Variants in MACROD2 observed in about 807,000 individuals in gnomAD.
MACROD2 encodes the protein ADP-ribose glycohydrolase MACROD2.
MACROD2 carries 36 observed loss-of-function variants against 70.4 expected under a neutral mutation model. The ratio of observed to expected loss-of-function variants is 0.51; its 90% confidence interval spans 0.39 to 0.68. MACROD2 has a LOEUF of 0.68. Ranked by LOEUF, MACROD2 falls within the 30% of genes least tolerant of loss-of-function variation. MACROD2 has a pLI of 0.00. For synonymous variants in MACROD2, 172 were observed against 178.8 expected (o/e 0.96, Z 0.30); for missense variants, 496 against 538.4 (o/e 0.92, Z 0.78).
At chr20:15,533,926 A>G (rs1214636140) in intron 8 of MACROD2, among the ~76,000 whole-genome samples, 2 of 152,070 alleles carry the variant, frequency 1.3e-5, no homozygotes, top group African/African-American at 4.8e-5. Context: ...AGTGGGGAGG[A>G]GCTGATGGAA....
At chr20:15,379,527 A>G (rs2146275212) in intron 6 of MACROD2, among the ~76,000 whole-genome samples, 1 of 152,058 alleles carries the variant, frequency 6.6e-6, no homozygotes, top group East Asian at 1.9e-4. Context: ...ATTTCAGCAA[A>G]TGATGTGATA....
intron 5 of MACROD2, among the ~76,000 whole-genome samples, chr20:14,886,333 G>A (rs1600768185): frequency 6.6e-6 from 1 of 152,178 alleles, no homozygotes; most frequent in Non-Finnish European, 1.5e-5. Context: ...TGAACTAAGA[G>A]GAAAGCAGAA....
chr20:15,905,106 G>T (rs1179901002), intron 10 of MACROD2, among the ~76,000 whole-genome samples: 1 of 152,080 alleles, frequency 6.6e-6, no homozygotes, highest in African/African-American at 2.4e-5. Context: ...TCATATTCAT[G>T]AAAATTGATT....
At chr20:15,193,913 A>T (rs1446473102) in intron 5 of MACROD2, among the ~76,000 whole-genome samples, 1 of 151,884 alleles carries the variant, frequency 6.6e-6, no homozygotes, top group Admixed American at 6.6e-5. Context: ...TCCATGCTTC[A>T]ATTGGGGGAG....
In MACROD2 at chr20:14,390,384, A is replaced by G. The variant is rs371804164; in HGVS notation, c.272-103095A>G. Among the ~76,000 whole-genome samples the G allele has an allele frequency of 2.6e-5, 4 of 152,288 alleles. No homozygotes were observed. The East Asian group carries it at 7.7e-4, about 29-fold the overall frequency. ...CCATTGACATTCTTCACAGAACTAG[A>G]AAAAAACTATTTTAAAATTTATTTG... On this transcript the variant is annotated intron_variant, in intron 3 of 17. Coordinates refer to ENST00000684519, the MANE Select transcript of MACROD2 (RefSeq NM_001351661.2).
rs74890346 is a variant in MACROD2 at position 14,612,399 on chromosome 20, C to T, written c.302-72444C>T. ...GGTTACTGATTGCCTTTGTCATTGC[C>T]TTTAGGACAACTGTAGACTTTGTGG... On this transcript the variant is annotated intron_variant, in intron 4 of 17. Transcript: ENST00000684519. 6.5e-3 allele frequency among the ~76,000 whole-genome samples: 982 copies of T among 152,064 alleles called. 31 individuals carry two copies. In the East Asian group the frequency reaches 0.11, roughly 18 times the overall value.
intron 8 of MACROD2, among the ~76,000 whole-genome samples, chr20:15,537,716 TG>T (rs1187684545): frequency 6.6e-6 from 1 of 152,030 alleles, no homozygotes; most frequent in Admixed American, 6.6e-5. Flanking sequence ...TCAAGTGATA[TG>T]CCCACCTTGG....
At chr20:14,000,304 C>A (rs199583179) in intron 1 of MACROD2, among the ~76,000 whole-genome samples, 1 of 152,072 alleles carries the variant, frequency 6.6e-6, no homozygotes, top group Non-Finnish European at 1.5e-5. Context: ...GAATATGTCA[C>A]CTCTGATTAA....
At chr20:15,920,182 A>C (rs1009146302) in intron 10 of MACROD2, among the ~76,000 whole-genome samples, 1 of 152,230 alleles carries the variant, frequency 6.6e-6, no homozygotes, top group African/African-American at 2.4e-5. Context: ...TAGGAGAAGA[A>C]GGAATGGCAA....
intron 8 of MACROD2, among the ~76,000 whole-genome samples, chr20:15,584,343 G>A (rs1054096614): frequency 1.3e-5 from 2 of 152,056 alleles, no homozygotes; most frequent in Non-Finnish European, 2.9e-5. Flanking sequence ...AAATTATAGA[G>A]CTAGGAAAGG....
At chr20:14,078,390 A>G (rs2053944003) in intron 2 of MACROD2, among the ~76,000 whole-genome samples, 1 of 152,122 alleles carries the variant, frequency 6.6e-6, no homozygotes. Context: ...CCAAAATCAA[A>G]TTCTAAATGA....
chr20:15,061,163 T>C (rs555459240), intron 5 of MACROD2, among the ~76,000 whole-genome samples: 4 of 152,326 alleles, frequency 2.6e-5, no homozygotes, highest in African/African-American at 9.6e-5. Context: ...TTTGGACCAC[T>C]ACCATCAACT....
chr20:15,284,859 T>C (rs2077476964), intron 6 of MACROD2, among the ~76,000 whole-genome samples: 1 of 152,238 alleles, frequency 6.6e-6, no homozygotes, highest in Non-Finnish European at 1.5e-5. Flanking sequence ...CTATGGTTTT[T>C]ATATACAAAC....
intron 8 of MACROD2, among the ~76,000 whole-genome samples, chr20:15,680,948 C>G (rs1450419021): frequency 6.6e-6 from 1 of 152,190 alleles, no homozygotes; most frequent in African/African-American, 2.4e-5. Context: ...ACATGATACT[C>G]CCCAGTGTAC....
At chr20:14,784,385 C>T (rs1408933576) in intron 5 of MACROD2, among the ~76,000 whole-genome samples, 1 of 152,096 alleles carries the variant, frequency 6.6e-6, no homozygotes, top group Non-Finnish European at 1.5e-5. Context: ...CTTCTCCAAG[C>T]TCACTTTCTC....
chr20:15,473,030 C>G (rs913465483), intron 7 of MACROD2, among the ~76,000 whole-genome samples: 2 of 152,086 alleles, frequency 1.3e-5, no homozygotes, highest in Non-Finnish European at 2.9e-5. Context: ...TGTCTTAATC[C>G]TAATAGAAAA....
chr20:15,645,578 T>C (rs987446319), intron 8 of MACROD2, among the ~76,000 whole-genome samples: 1 of 152,208 alleles, frequency 6.6e-6, no homozygotes, highest in Admixed American at 6.5e-5. Context: ...GAAAACAGAA[T>C]CTGGCAGAGG....
intron 3 of MACROD2, among the ~76,000 whole-genome samples, chr20:14,222,704 T>A (rs1043772691): frequency 1.3e-5 from 2 of 152,022 alleles, no homozygotes; most frequent in Non-Finnish European, 2.9e-5. Flanking sequence ...TGGATATTAT[T>A]GTTAGATGCG....
intron 12 of MACROD2, among the ~76,000 whole-genome samples, chr20:15,951,878 G>T (rs78819569): frequency 6.6e-6 from 1 of 152,134 alleles, no homozygotes; most frequent in Non-Finnish European, 1.5e-5. Context: ...GGCAGAATCA[G>T]TTACTAAATA....
Sources: gnomAD v4.1 joint callset for allele counts (sites outside exome capture counted in the v4.1 genomes callset) on GRCh38, gnomAD v4.1.1 for gene constraint, MANE v1.5 for transcripts, NCBI Gene and HGNC (gene_info 2026-07-23, HGNC 2026-07-21) for gene names.